CATSPERE: variants seen among roughly 807,000 people sequenced by gnomAD.
CATSPERE encodes catsper channel auxiliary subunit epsilon.
A neutral mutation model predicts 114.1 loss-of-function variants in CATSPERE; 93 were observed. The ratio of observed to expected loss-of-function variants is 0.81; its 90% CI spans 0.69 to 0.97. The LOEUF (loss-of-function observed/expected upper bound fraction) is 0.97, where lower values mean the gene tolerates loss of function less well. Ranked by LOEUF, CATSPERE falls within the 50% of genes least tolerant of loss-of-function variation. CATSPERE has a pLI of 0.00. For synonymous variants in CATSPERE, 341 were observed against 384.1 expected (o/e 0.89, Z 1.31); for missense variants, 1,058 against 1,131.6 (o/e 0.93, Z 0.93).
chr1:244,531,174 T>G lies in CATSPERE; in HGVS notation c.536+12476T>G, dbSNP rs1679531785. Among the ~76,000 whole-genome samples, 5 of 145,772 alleles carry G rather than the reference T, an allele frequency of 3.4e-5. No individual in the cohort carries two copies. The Admixed American group carries it at 3.7e-4, about 11-fold the overall frequency. On this transcript the variant is annotated intron_variant, in intron 8 of 21. Coordinates refer to ENST00000366534, the MANE Select transcript of CATSPERE (RefSeq NM_001130957.2). ...TCGCTTAAATCCAGGAGGCGGAGGT[T>G]GCAGTGAGGAGAGATAGAGCCACTG...
intron 7 of CATSPERE, chr1:244,515,275 A>G (rs766833606): frequency 1.7e-4 from 160 of 949,658 alleles, no homozygotes; most frequent in Admixed American, 5.6e-4. Flanking sequence ...CCTTCTGTCT[A>G]GAATTCCCTG....
chr1:244,539,936 A>AT (rs1327172248), intron 8 of CATSPERE, among the ~76,000 whole-genome samples: 1 of 33,994 alleles, frequency 2.9e-5, no homozygotes, highest in East Asian at 0.026. Flanking sequence ...TTCTGGATTC[A>AT]TTAATTTTTT....
intron 9 of CATSPERE, among the ~76,000 whole-genome samples, chr1:244,553,786 A>G (rs1255947152): frequency 6.6e-6 from 1 of 151,932 alleles, no homozygotes; most frequent in Non-Finnish European, 1.5e-5. Context: ...TTAACTGTAT[A>G]TTTGTACGTA....
intron 2 of CATSPERE, among the ~76,000 whole-genome samples, chr1:244,469,455 A>G (rs1668116948): frequency 6.6e-6 from 1 of 152,154 alleles, no homozygotes; most frequent in African/African-American, 2.4e-5. Context: ...TATCCCATAC[A>G]TATCCTTTCA....
chr1:244,549,928 T>C (rs1266722516), intron 8 of CATSPERE, among the ~76,000 whole-genome samples: 1 of 152,174 alleles, frequency 6.6e-6, no homozygotes, highest in Non-Finnish European at 1.5e-5. Flanking sequence ...CGCAGTCCAC[T>C]GAGGGCTTGA....
chr1:244,599,651 A>C (rs1202622490), intron 17 of CATSPERE, among the ~76,000 whole-genome samples: 2 of 152,214 alleles, frequency 1.3e-5, no homozygotes, highest in Non-Finnish European at 2.9e-5. Context: ...ATCATGGAGT[A>C]AAAGCCAAGA....
chr1:244,611,355 C>T (rs1355678350), intron 19 of CATSPERE, among the ~76,000 whole-genome samples: 3 of 151,816 alleles, frequency 2.0e-5, no homozygotes, highest in Non-Finnish European at 2.9e-5. Flanking sequence ...TTTCTGAGGC[C>T]GAGGCGTGTG....
In CATSPERE at chr1:244,609,838, C is replaced by T. The variant is rs147591991; in HGVS notation, c.2404-402C>T. On this transcript the variant is annotated intron_variant, in intron 18 of 21. Coordinates refer to ENST00000366534, the MANE Select transcript of CATSPERE (RefSeq NM_001130957.2). ...GGAAGATGGCTTGAGGCCAAGAGTT[C>T]GAGGCCAGCCTTGGCAACATAGCGA... Among the ~76,000 whole-genome samples the T allele has an allele frequency of 5.1e-3, 782 of 152,228 alleles. 10 individuals carry two copies. Among genetic ancestry groups the T allele is most frequent in the African/African-American group, 0.018 (762 of 41,538 alleles).
intron 5 of CATSPERE, among the ~76,000 whole-genome samples, chr1:244,482,267 G>A (rs1434577662): frequency 6.6e-6 from 1 of 151,984 alleles, no homozygotes; most frequent in East Asian, 1.9e-4. Flanking sequence ...AGGGGTTCAA[G>A]ACCAGTCTGG....
Position 244,511,704 on chromosome 1 carries a change from T to C in CATSPERE, c.430-6888T>C, listed in dbSNP as rs551157312. 7.9e-5 allele frequency among the ~76,000 whole-genome samples: 12 copies of C among 152,348 alleles called. No individual in the cohort carries two copies. The South Asian group carries it at 1.9e-3, about 24-fold the overall frequency. ...GATACCATCCTTTCACTTCCAGATATAGGACTTCCTTAAGCATTTCTTGTA... is the reference window on the plus strand; with the variant it reads ...GATACCATCCTTTCACTTCCAGATACAGGACTTCCTTAAGCATTTCTTGTA... On this transcript the variant is annotated intron_variant, in intron 7 of 21. Coordinates refer to ENST00000366534, the MANE Select transcript of CATSPERE (RefSeq NM_001130957.2).
intron 18 of CATSPERE, among the ~76,000 whole-genome samples, chr1:244,609,909 T>C (rs1032735070): frequency 1.3e-5 from 2 of 152,116 alleles, no homozygotes; most frequent in Non-Finnish European, 2.9e-5. Context: ...TAGCCAGGCA[T>C]GCTGGCACAC....
intron 2 of CATSPERE, among the ~76,000 whole-genome samples, chr1:244,474,935 G>T (rs1435115920): frequency 6.6e-6 from 1 of 151,632 alleles, no homozygotes; most frequent in Non-Finnish European, 1.5e-5. Flanking sequence ...ATAGAGAGGG[G>T]TCTCCCTATG....
At chr1:244,466,512 C>A (rs575273098) in intron 2 of CATSPERE, among the ~76,000 whole-genome samples, 41 of 152,128 alleles carry the variant, frequency 2.7e-4, no homozygotes, top group Non-Finnish European at 5.0e-4. Context: ...CTGGTATTCG[C>A]TTGGAACTGT....
At chr1:244,598,776 G>A (rs777815361) in intron 17 of CATSPERE, 3 of 161,572 alleles carry the variant, frequency 1.9e-5, no homozygotes, top group Non-Finnish European at 4.1e-5. Flanking sequence ...TGACCTCTTA[G>A]TGTTGGAATG....
Position 244,581,779 on chromosome 1 carries a change from A to T in CATSPERE, c.1951-17A>T. ...AATTTCCCTGCTTTACATAAATTTTAAATTTTCTTTTTTCAGACACTAACA... is the reference window on the plus strand; with the variant it reads ...AATTTCCCTGCTTTACATAAATTTTTAATTTTCTTTTTTCAGACACTAACA... On this transcript the variant is annotated splice_polypyrimidine_tract_variant and intron_variant, in intron 11 of 21. Transcript: ENST00000366534. The T allele has an allele frequency of 8.4e-7, 1 of 1,197,160 alleles. No homozygotes were observed. Among genetic ancestry groups the T allele is most frequent in the Non-Finnish European group, 1.2e-6 (1 of 836,384 alleles). 74.2% of individuals were successfully genotyped at this position (1,197,160 alleles called of 1,614,324 possible). A position where few individuals can be genotyped will look rare whatever the true frequency, so the allele number is the denominator to read the frequency against.
chr1:244,451,757 G>A (rs1366809280), upstream of CATSPERE: 3 of 1,602,034 alleles, frequency 1.9e-6, no homozygotes, highest in Non-Finnish European at 2.6e-6. The surrounding 1 kb of genome is among the most constrained non-coding windows in gnomAD (Gnocchi z 6.6). Flanking sequence ...CGCGCCCTGG[G>A]GCGGCCGCAA....
chr1:244,566,652 C>CTTTTTTTTTTTTTT lies in CATSPERE; in HGVS notation c.1507+5529_1507+5542dup, dbSNP rs59466928. On this transcript the variant is annotated intron_variant, in intron 10 of 21. Coordinates refer to ENST00000366534, the MANE Select transcript of CATSPERE (RefSeq NM_001130957.2). ...TCAGAGACTAGGATTGCAACCCCTG[C>CTTTTTTTTTTTTTT]TTTTTTTTTTTTTTTTTTTTTTTTT... Among the ~76,000 whole-genome samples the CTTTTTTTTTTTTTT allele has an allele frequency of 6.3e-4, 31 of 49,102 alleles. 4 individuals are homozygous for CTTTTTTTTTTTTTT. The highest frequency in any genetic ancestry group is 1.1e-3 in the Non-Finnish European group (16 of 14,272). The allele number at this position is 49,102 out of a possible 152,430, so 32.2% of individuals were successfully genotyped here. A position where few individuals can be genotyped will look rare whatever the true frequency, so the allele number is the denominator to read the frequency against.
At chr1:244,482,399 C>A (rs935437953) in intron 5 of CATSPERE, among the ~76,000 whole-genome samples, 2 of 151,730 alleles carry the variant, frequency 1.3e-5, no homozygotes, top group African/African-American at 4.8e-5. Flanking sequence ...CCCAGGAGTT[C>A]AAGACCATCC....
At position 244,599,995 on chromosome 1, in the gene CATSPERE, G is replaced by A. The variant is rs539237871; in HGVS notation, c.2304-5700G>A. 4.6e-5 allele frequency among the ~76,000 whole-genome samples: 7 copies of A among 152,252 alleles called. 1 individual carries two copies. The South Asian group carries it at 1.4e-3, about 32-fold the overall frequency. On this transcript the variant is annotated intron_variant, in intron 17 of 21. Transcript: ENST00000366534. ...AGATAGATGAGTATGTTTACAGTTTGAGGATAAAGAAAGGAAGGTTAGAAA... is the reference window on the plus strand; with the variant it reads ...AGATAGATGAGTATGTTTACAGTTTAAGGATAAAGAAAGGAAGGTTAGAAA...
Sources: allele counts gnomAD v4.1 joint callset (sites outside exome capture counted in the v4.1 genomes callset), GRCh38; gene constraint gnomAD v4.1.1; non-coding constraint Gnocchi (gnomAD v3.1); transcripts MANE v1.5; gene names NCBI Gene and HGNC (gene_info 2026-07-23, HGNC 2026-07-21).